The following PDE1C variants were observed in gnomAD, a reference collection of about 807,000 sequenced individuals.
PDE1C encodes dual specificity calcium/calmodulin-dependent 3',5'-cyclic nucleotide phosphodiesterase 1C.
In PDE1C, 62 loss-of-function variants were observed where a neutral mutation model predicts 93.1. The ratio of observed to expected loss-of-function variants is 0.67; its 90% CI spans 0.54 to 0.82. PDE1C has a LOEUF of 0.82. Among genes scored for constraint, PDE1C ranks in the 40% least tolerant of loss-of-function variants. The probability of loss-of-function intolerance (pLI) is 0.00; values close to 1 mark genes in which losing one functional copy is unlikely to be tolerated. For missense variants in PDE1C, 742 were observed against 884.6 expected, an observed-to-expected ratio of 0.84 and a Z score of 2.04; for synonymous variants, 325 against 310.1, an observed-to-expected ratio of 1.05 and a Z score of -0.50.
chr7:32,339,672 T>C (rs571935100), intron 1 of PDE1C, among the ~76,000 whole-genome samples: 5 of 152,142 alleles, frequency 3.3e-5, no homozygotes, highest in African/African-American at 4.8e-5. Flanking sequence ...AGAAGCCCCA[T>C]TGAAATGTCA....
At chr7:31,770,833 A>AC (rs1302943341) in intron 17 of PDE1C, among the ~76,000 whole-genome samples, 6 of 152,074 alleles carry the variant, frequency 3.9e-5, no homozygotes, top group Non-Finnish European at 8.8e-5. Flanking sequence ...ATGATCTTTC[A>AC]TTTTTTTGAT....
chr7:32,361,992 T>C (rs535503691), intron 1 of PDE1C, among the ~76,000 whole-genome samples: 1 of 152,250 alleles, frequency 6.6e-6, no homozygotes, highest in Non-Finnish European at 1.5e-5. Flanking sequence ...TAAATGGCTC[T>C]GCTCTGTGGA....
intron 1 of PDE1C, among the ~76,000 whole-genome samples, chr7:32,392,293 T>C (rs1784764066): frequency 6.6e-6 from 1 of 152,178 alleles, no homozygotes; most frequent in South Asian, 2.1e-4. Context: ...ATTGAATTCA[T>C]AGTAGAGATC....
chr7:32,366,643 A>T (rs115980919), intron 1 of PDE1C, among the ~76,000 whole-genome samples: 1,902 of 152,288 alleles, frequency 0.012, 34 homozygotes, highest in African/African-American at 0.043. Flanking sequence ...CAAAATTCAA[A>T]CAAAGAATTT....
intron 1 of PDE1C, among the ~76,000 whole-genome samples, chr7:32,425,462 T>C (rs150574151): frequency 6.6e-6 from 1 of 152,304 alleles, no homozygotes; most frequent in African/African-American, 2.4e-5. Context: ...TAATTTTTAA[T>C]TGCATATATT....
chr7:32,202,019 A>C (rs994932668), intron 2 of PDE1C, among the ~76,000 whole-genome samples: 9 of 152,180 alleles, frequency 5.9e-5, no homozygotes, highest in African/African-American at 2.2e-4. Context: ...GGTCAGAAGA[A>C]CACCACCATC....
At chr7:31,734,988 T>C in the PDE1C span, among the ~76,000 whole-genome samples, 2 of 152,182 alleles carry the variant, frequency 1.3e-5, no homozygotes, top group African/African-American at 2.4e-5. Context: ...CCAATCAGCA[T>C]CTTTTGATGT....
intron 1 of PDE1C, among the ~76,000 whole-genome samples, chr7:32,056,689 C>T (rs1209112163): frequency 1.3e-5 from 2 of 152,094 alleles, no homozygotes; most frequent in African/African-American, 4.8e-5. Context: ...GCGTCAGCTA[C>T]TGTACTAAAA....
intron 1 of PDE1C, among the ~76,000 whole-genome samples, chr7:32,304,439 G>C (rs773767242): frequency 2.0e-5 from 3 of 152,162 alleles, no homozygotes; most frequent in Non-Finnish European, 4.4e-5. Flanking sequence ...ATTGGGGTAG[G>C]ACAGCCAGCC....
chr7:31,921,203 GACTT>G (rs1802580740), intron 2 of PDE1C, among the ~76,000 whole-genome samples: 2 of 152,136 alleles, frequency 1.3e-5, no homozygotes, highest in African/African-American at 2.4e-5. Context: ...TTCTAGATGT[GACTT>G]AGTTTCCTCC....
chr7:32,272,483 A>G (rs1334876065), intron 1 of PDE1C, among the ~76,000 whole-genome samples: 1 of 152,224 alleles, frequency 6.6e-6, no homozygotes, highest in African/African-American at 2.4e-5. Flanking sequence ...CATTTGCACA[A>G]ATCAATAGAG....
At position 31,831,219 on chromosome 7, in the gene PDE1C, G is replaced by A. The variant is rs922556853; in HGVS notation, c.1204-2846C>T. 7.2e-5 allele frequency among the ~76,000 whole-genome samples: 11 copies of A among 152,156 alleles called. 1 individual carries two copies. The highest frequency in any genetic ancestry group is 2.7e-4 in the African/African-American group (11 of 41,440). On this transcript the variant is annotated intron_variant, in intron 11 of 17. Transcript: ENST00000396191. ...GGCACAAATATAACATATGAGAAAG[G>A]CATTGTGATGTTGGATTTAAGATAG...
In PDE1C at chr7:32,026,096, G is replaced by A. The variant is rs376470041; in HGVS notation, c.128+25458C>T. Among the ~76,000 whole-genome samples the A allele has an allele frequency of 1.8e-4, 28 of 151,968 alleles. 3 individuals carry two copies. Among genetic ancestry groups the A allele is most frequent in the Non-Finnish European group, 1.9e-4 (13 of 67,948 alleles). ...CACATACACACATACACACACACGC[G>A]TGCACTCTCCCCAGTAAAATTCAGA... On this transcript the variant is annotated intron_variant, in intron 2 of 17. Transcript: ENST00000396191.
chr7:32,045,231 T>C (rs1052611086), intron 2 of PDE1C, among the ~76,000 whole-genome samples: 3 of 151,918 alleles, frequency 2.0e-5, no homozygotes, highest in Non-Finnish European at 4.4e-5. Flanking sequence ...TTACCTGAAA[T>C]TGTAGTGCTT....
chr7:32,008,663 G>A (rs931306918), intron 2 of PDE1C, among the ~76,000 whole-genome samples: 7 of 152,084 alleles, frequency 4.6e-5, no homozygotes, highest in Non-Finnish European at 7.3e-5. Flanking sequence ...TGGGCTGCAA[G>A]AACATCTGGG....
At chr7:32,157,029 T>C (rs1801615407) in intron 3 of PDE1C, among the ~76,000 whole-genome samples, 1 of 152,196 alleles carries the variant, frequency 6.6e-6, no homozygotes, top group East Asian at 1.9e-4. Context: ...GTAGTATCCC[T>C]GTCAAATGGA....
At chr7:32,208,247 G>C (rs1562581363) in intron 2 of PDE1C, among the ~76,000 whole-genome samples, 1 of 152,164 alleles carries the variant, frequency 6.6e-6, no homozygotes, top group East Asian at 1.9e-4. Flanking sequence ...TTTAGAAGAA[G>C]CCTGTAAATA....
At chr7:31,776,055 T>C (rs1202393174) in intron 16 of PDE1C, among the ~76,000 whole-genome samples, 2 of 152,270 alleles carry the variant, frequency 1.3e-5, no homozygotes, top group South Asian at 2.1e-4. Context: ...ACCCCCACAG[T>C]ACAGGGGTGG....
At position 31,753,548 on chromosome 7, in the gene PDE1C, T is replaced by G; in HGVS notation, c.1966A>C (p.Lys656Gln). ...STCRLTLPVI[K>Q]PPLRHFKRPA... The stretch of plus-strand genomic sequence containing the variant: ...CGTTTAAAATGACGCAAAGGAGGCT[T>G]GATGACTGGCGGCCATGGAAAGGAA... Residue 656 changes from lysine to glutamine, a missense_variant, in exon 18 of 18, where the codon AAG becomes CAG. Transcript: ENST00000396191. 6.2e-7 allele frequency: 1 copy of G among 1,608,744 alleles called. No individual in the cohort carries two copies. Among genetic ancestry groups the G allele is most frequent in the East Asian group, 2.2e-5 (1 of 44,726 alleles).
Sources: allele counts gnomAD v4.1 joint callset (sites outside exome capture counted in the v4.1 genomes callset), GRCh38; gene constraint gnomAD v4.1.1; transcripts MANE v1.5; gene names NCBI Gene and HGNC (gene_info 2026-07-23, HGNC 2026-07-21).